Variants in OSBPL5 observed in about 807,000 individuals in gnomAD.
OSBPL5 encodes oxysterol binding protein like 5.
OSBPL5 carries 71 observed loss-of-function variants against 111.2 expected under a neutral mutation model. The observed-to-expected ratio is 0.64, with a 90% confidence interval of 0.53 to 0.78. OSBPL5 has a LOEUF of 0.78. Among genes scored for constraint, OSBPL5 ranks in the 30% least tolerant of loss-of-function variants. The probability of loss-of-function intolerance (pLI) is 0.00; values close to 1 mark genes in which losing one functional copy is unlikely to be tolerated. For missense variants in OSBPL5, 1,210 were observed against 1,189.3 expected (o/e 1.02, Z -0.26); for synonymous variants, 549 against 513.9 (o/e 1.07, Z -0.93).
chr11:3,137,588 G>A (rs150446469), intron 1 of OSBPL5, among the ~76,000 whole-genome samples: 26 of 152,298 alleles, frequency 1.7e-4, no homozygotes, highest in Non-Finnish European at 3.5e-4. Flanking sequence ...TGAGGCGGGT[G>A]GATCGCTTGA....
chr11:3,103,144 G>A, intron 11 of OSBPL5, 95 bp downstream of exon 11: 2 of 1,088,362 alleles, frequency 1.8e-6, no homozygotes, highest in South Asian at 3.1e-5. Context: ...GGGGTAGGGG[G>A]TGGCCCGGGG....
chr11:3,092,456 C>T lies in OSBPL5; in HGVS notation c.2235G>A (p.Leu745=). ...CCTCGTGCCTGGGCCCTGGGCTGCC[C>T]AGGAAGGTGGTCTGGCGGGCCACGG... The part of the protein sequence containing the change: ...QEAVARQTTF[L]GSPGPRHERS... The change falls in exon 19 of 22, where the codon CTG becomes CTA. Residue 745 remains leucine, a synonymous_variant. Transcript: ENST00000263650. The surrounding 1 kb of genome is among the most constrained non-coding windows in gnomAD (Gnocchi z 5.4). 6.3e-7 allele frequency: 1 copy of T among 1,580,526 alleles called. No individual in the cohort carries two copies. The highest frequency in any genetic ancestry group is 2.3e-5 in the East Asian group (1 of 42,932).
At position 3,121,369 on chromosome 11, in the gene OSBPL5, T is replaced by C. The variant is rs1858410529; in HGVS notation, c.402+628A>G. Among the ~76,000 whole-genome samples, 1 of 152,186 alleles carries C rather than the reference T, an allele frequency of 6.6e-6. No homozygotes were observed. The highest frequency in any genetic ancestry group is 1.5e-5 in the Non-Finnish European group (1 of 68,032). ...CACTGCACCCGGCCTGGCAGCTCTGTAAATTCTGAAAGTAGTTGTCTTCTT... is the reference window on the plus strand; with the variant it reads ...CACTGCACCCGGCCTGGCAGCTCTGCAAATTCTGAAAGTAGTTGTCTTCTT... On this transcript the variant is annotated intron_variant, in intron 5 of 21. Transcript: ENST00000263650. This position sits in a 1 kb window ranked among gnomAD's most constrained non-coding sequence, Gnocchi z 4.3.
intron 10 of OSBPL5, among the ~76,000 whole-genome samples, chr11:3,103,904 C>T (rs73413590): frequency 0.012 from 1,659 of 141,630 alleles, 68 homozygotes; most frequent in African/African-American, 0.044. Flanking sequence ...GCCTCTGCAG[C>T]CCCCTTCCTG....
chr11:3,121,449 T>C lies in OSBPL5; in HGVS notation c.402+548A>G, dbSNP rs1858413803. Among the ~76,000 whole-genome samples, 1 of 152,190 alleles carries C rather than the reference T, an allele frequency of 6.6e-6. No individual in the cohort carries two copies. The highest frequency in any genetic ancestry group is 6.5e-5 in the Admixed American group (1 of 15,278). ...TAACTTTTGATTCATCATTTTGGTATGCGGGTAGAAGGAGCCTACATGGGC... is the reference window on the plus strand; with the variant it reads ...TAACTTTTGATTCATCATTTTGGTACGCGGGTAGAAGGAGCCTACATGGGC... On this transcript the variant is annotated intron_variant, in intron 5 of 21. Transcript: ENST00000263650. This position sits in a 1 kb window ranked among gnomAD's most constrained non-coding sequence, Gnocchi z 4.3.
Position 3,106,686 on chromosome 11 carries a change from G to A in OSBPL5, c.1059+577C>T, listed in dbSNP as rs889770975. ...CGCCATCCTCCCTCCCGTCACTCACGTCTTCAGAAAGAGCCCATGGCCCGG... is the reference window on the plus strand; with the variant it reads ...CGCCATCCTCCCTCCCGTCACTCACATCTTCAGAAAGAGCCCATGGCCCGG... On this transcript the variant is annotated intron_variant, in intron 9 of 21. Transcript: ENST00000263650. The surrounding 1 kb of genome is among the most constrained non-coding windows in gnomAD (Gnocchi z 8.4). Among the ~76,000 whole-genome samples, 4 of 152,168 alleles carry A rather than the reference G, an allele frequency of 2.6e-5. No homozygotes were observed. The highest frequency in any genetic ancestry group is 2.9e-5 in the Non-Finnish European group (2 of 68,020).
chr11:3,104,832 CTGTTTT>C lies in OSBPL5; in HGVS notation c.1060-461_1060-456del, dbSNP rs1004937615. ...AAAGGTTATTGTAACATTTCTTTTT[CTGTTTT>C]TGAACCACTTTATTGAGGTCTGATT... On this transcript the variant is annotated intron_variant, in intron 9 of 21. Transcript: ENST00000263650. This position sits in a 1 kb window ranked among gnomAD's most constrained non-coding sequence, Gnocchi z 5.0. Among the ~76,000 whole-genome samples, 14 of 152,160 alleles carry C rather than the reference CTGTTTT, an allele frequency of 9.2e-5. No homozygotes were observed. Among genetic ancestry groups the C allele is most frequent in the Non-Finnish European group, 2.1e-4 (14 of 68,008 alleles).
At chr11:3,127,440 C>T (rs994547427) in intron 2 of OSBPL5, among the ~76,000 whole-genome samples, 2 of 151,838 alleles carry the variant, frequency 1.3e-5, no homozygotes, top group African/African-American at 2.4e-5. Context: ...TGGATGGGGA[C>T]GAAGAACGGA....
intron 1 of OSBPL5, among the ~76,000 whole-genome samples, chr11:3,152,326 A>T (rs1452177504): frequency 6.6e-6 from 1 of 152,256 alleles, no homozygotes; most frequent in African/African-American, 2.4e-5. Flanking sequence ...TCTTCTAGGT[A>T]TAAAGGTACT....
chr11:3,112,031 GTGTA>G (rs1266504795), intron 7 of OSBPL5, among the ~76,000 whole-genome samples: 11 of 124,120 alleles, frequency 8.9e-5, no homozygotes, highest in Middle Eastern at 3.7e-3. Flanking sequence ...GTGCATGTGT[GTGTA>G]TGTGTGCGCG....
intron 17 of OSBPL5, chr11:3,093,300 A>C: frequency 1.3e-6 from 1 of 772,928 alleles, no homozygotes; most frequent in East Asian, 2.7e-5. Context: ...ACTCGCCGGC[A>C]GTGATGCAGT....
chr11:3,131,434 A>T (rs1229088285), intron 1 of OSBPL5, among the ~76,000 whole-genome samples: 2 of 137,542 alleles, frequency 1.5e-5, no homozygotes, highest in Non-Finnish European at 3.1e-5. Context: ...CCATCAATCC[A>T]TCCATCCATC....
In OSBPL5 at chr11:3,113,135, G is replaced by C. The variant is rs1858065296; in HGVS notation, c.692-5190C>G. On this transcript the variant is annotated intron_variant, in intron 7 of 21. Coordinates refer to ENST00000263650, the MANE Select transcript of OSBPL5 (RefSeq NM_020896.4). This position sits in a 1 kb window ranked among gnomAD's most constrained non-coding sequence, Gnocchi z 4.8. ...AATACTTGATCAGGAAAAAAGAAAA[G>C]ACAAGTCAAATGCTTTTTCAAGTTT... 1.3e-5 allele frequency among the ~76,000 whole-genome samples: 2 copies of C among 152,122 alleles called. No individual in the cohort carries two copies. The highest frequency in any genetic ancestry group is 4.8e-5 in the African/African-American group (2 of 41,442).
intron 1 of OSBPL5, among the ~76,000 whole-genome samples, chr11:3,149,499 C>T (rs1846492669): frequency 6.6e-6 from 1 of 152,256 alleles, no homozygotes; most frequent in Non-Finnish European, 1.5e-5. Context: ...GCTCCATGAG[C>T]TTCCCCTGCC....
At chr11:3,131,870 CA>C (rs1564850371) in intron 1 of OSBPL5, among the ~76,000 whole-genome samples, 7 of 133,816 alleles carry the variant, frequency 5.2e-5, no homozygotes, top group Admixed American at 1.5e-4. Flanking sequence ...TCCATCCATC[CA>C]TCCATCCACC....
At position 3,119,634 on chromosome 11, in the gene OSBPL5, G is replaced by A. The variant is rs754430496; in HGVS notation, c.607-3C>T. On this transcript the variant is annotated splice_region_variant and splice_polypyrimidine_tract_variant and intron_variant, in intron 6 of 21. Transcript: ENST00000263650. ...CCCACGCTCTCACCTTTGGGGCCCT[G>A]GAGAGAGAGAGATCTGGGTGTCACC... 2 of 1,578,948 alleles carry A rather than the reference G, an allele frequency of 1.3e-6. No homozygotes were observed. Among genetic ancestry groups the A allele is most frequent in the African/African-American group, 2.8e-5 (2 of 71,900 alleles).
intron 1 of OSBPL5, among the ~76,000 whole-genome samples, chr11:3,155,476 C>T (rs1334545766): frequency 6.7e-6 from 1 of 148,362 alleles, no homozygotes; most frequent in South Asian, 2.2e-4. Context: ...CACTCACTCC[C>T]CCCAGCTTTG....
intron 3 of OSBPL5, among the ~76,000 whole-genome samples, chr11:3,123,906 C>T (rs1858508485): frequency 6.6e-6 from 1 of 152,182 alleles, no homozygotes; most frequent in Admixed American, 6.5e-5. Flanking sequence ...TGGAACCGTT[C>T]CACGGACTGG....
intron 1 of OSBPL5, among the ~76,000 whole-genome samples, chr11:3,147,717 AGCGTGTCC>A (rs1208905639): frequency 2.0e-5 from 3 of 152,158 alleles, no homozygotes; most frequent in African/African-American, 7.2e-5. Context: ...TATGGGAGTG[AGCGTGTCC>A]AGGGACGCGT....
Sources: gnomAD v4.1 joint callset for allele counts (sites outside exome capture counted in the v4.1 genomes callset) on GRCh38, gnomAD v4.1.1 for gene constraint, Gnocchi (gnomAD v3.1) non-coding constraint, MANE v1.5 for transcripts, NCBI Gene and HGNC (gene_info 2026-07-23, HGNC 2026-07-21) for gene names.